Variants in IL1RAPL1 observed in about 807,000 individuals in gnomAD.
IL1RAPL1 encodes interleukin-1 receptor accessory protein-like 1.
Under a neutral mutation model 48.4 loss-of-function variants are expected in IL1RAPL1, and 3 were observed. The observed-to-expected ratio is 0.06, with a 90% CI of 0.03 to 0.16. The LOEUF (loss-of-function observed/expected upper bound fraction) is 0.16. Among genes scored for constraint, IL1RAPL1 ranks in the 10% least tolerant of loss-of-function variants. The pLI is 1.00. For missense variants in IL1RAPL1, 349 were observed against 530.6 expected (o/e 0.66, Z 3.36); for synonymous variants, 185 against 187.7 (o/e 0.99, Z 0.12).
intron 2 of IL1RAPL1, among the ~76,000 whole-genome samples, chrX:29,233,703 G>A (rs951180506): frequency 2.7e-5 from 3 of 111,599 alleles, no homozygotes. Flanking sequence ...ACTAGGTTAC[G>A]TTATACAGCA....
Position 29,798,857 on chromosome X carries a change from A to C in IL1RAPL1, c.779-118607A>C, listed in dbSNP as rs909594992. Among the ~76,000 whole-genome samples the C allele has an allele frequency of 1.8e-5, 2 of 112,255 alleles. 1 individual carries two copies. Among genetic ancestry groups the C allele is most frequent in the Admixed American group, 1.9e-4 (2 of 10,606 alleles). ...TCTTAATTAAACAAAGAATGATTAA[A>C]AAGAGATTTTGCTTTATAAGGCCAC... On this transcript the variant is annotated intron_variant, in intron 6 of 10. Transcript: ENST00000378993.
At position 29,802,793 on chromosome X, in the gene IL1RAPL1, A is replaced by ATATATATG. The variant is rs1569172754; in HGVS notation, c.779-114664_779-114663insGTATATAT. ...TATATATATATATATGTGTGTGTGT[A>ATATATATG]TATATATATATATATATGTGTGTAT... On this transcript the variant is annotated intron_variant, in intron 6 of 10. Transcript: ENST00000378993. Among the ~76,000 whole-genome samples the ATATATATG allele has an allele frequency of 6.8e-4, 27 of 39,714 alleles. 1 individual carries two copies. Among genetic ancestry groups the ATATATATG allele is most frequent in the African/African-American group, 5.4e-3 (27 of 5,036 alleles). 34.5% of individuals were successfully genotyped at this position (39,714 alleles called of 115,157 possible). A position where few individuals can be genotyped will look rare whatever the true frequency, so the allele number is the denominator to read the frequency against.
intron 2 of IL1RAPL1, among the ~76,000 whole-genome samples, chrX:29,208,207 A>T (rs751876487): frequency 8.9e-6 from 1 of 111,904 alleles, no homozygotes; most frequent in Non-Finnish European, 1.9e-5. Flanking sequence ...AACAGAGTTA[A>T]CAGGTAATGC....
chrX:28,731,925 G>C (rs188864237), intron 1 of IL1RAPL1, among the ~76,000 whole-genome samples: 144 of 111,940 alleles, frequency 1.3e-3, no homozygotes, highest in Admixed American at 3.1e-3. Flanking sequence ...GCACTTTTTA[G>C]AAGTTAAGCC....
intron 5 of IL1RAPL1, among the ~76,000 whole-genome samples, chrX:29,595,923 A>C (rs12556430): frequency 0.074 from 8,205 of 111,291 alleles, 282 homozygotes; most frequent in East Asian, 0.25. Context: ...AAGCTGAAAG[A>C]TGAGGATCCA....
chrX:28,931,326 G>T (rs1218473596), intron 2 of IL1RAPL1, among the ~76,000 whole-genome samples: 1 of 111,850 alleles, frequency 8.9e-6, no homozygotes, highest in Non-Finnish European at 1.9e-5. Context: ...AACTGAATTT[G>T]CTAGTAAATG....
chrX:29,104,258 G>A (rs1280298707), intron 2 of IL1RAPL1, among the ~76,000 whole-genome samples: 4 of 111,652 alleles, frequency 3.6e-5, no homozygotes, highest in Non-Finnish European at 7.5e-5. Flanking sequence ...AAGAAAATGT[G>A]GTACATATAC....
chrX:29,519,729 G>A (rs1935483364), intron 5 of IL1RAPL1, among the ~76,000 whole-genome samples: 1 of 111,291 alleles, frequency 9.0e-6, no homozygotes, highest in Admixed American at 9.6e-5. Context: ...GGGTCCTAGC[G>A]AAGAAATGTG....
chrX:29,378,777 G>C (rs1015862295), intron 3 of IL1RAPL1, among the ~76,000 whole-genome samples: 2 of 112,161 alleles, frequency 1.8e-5, no homozygotes, highest in East Asian at 5.7e-4. Context: ...TGTGGTATAG[G>C]GGGGAGAAGA....
intron 2 of IL1RAPL1, among the ~76,000 whole-genome samples, chrX:29,111,925 C>CTTTTTTTTTTTT (rs34885583): frequency 1.7e-5 from 1 of 59,761 alleles, no homozygotes; most frequent in Non-Finnish European, 3.2e-5. Flanking sequence ...TTTCACTTTT[C>CTTTTTTTTTTTT]TTTTTTTTTT....
chrX:28,729,764 G>A (rs866508654), intron 1 of IL1RAPL1, among the ~76,000 whole-genome samples: 36 of 110,950 alleles, frequency 3.2e-4, no homozygotes, highest in African/African-American at 9.5e-4. Flanking sequence ...TTGGGAGGCC[G>A]AGGCAGGCGG....
intron 6 of IL1RAPL1, among the ~76,000 whole-genome samples, chrX:29,795,896 A>T (rs1327367460): frequency 1.8e-5 from 2 of 112,829 alleles, no homozygotes; most frequent in Non-Finnish European, 3.7e-5. Flanking sequence ...AAGTTTAAAG[A>T]CATCAAGAAT....
intron 6 of IL1RAPL1, among the ~76,000 whole-genome samples, chrX:29,709,262 T>G (rs940804928): frequency 7.2e-5 from 8 of 111,659 alleles, no homozygotes; most frequent in Admixed American, 4.8e-4. Flanking sequence ...GCAAGTAGCT[T>G]TAGAGTTTCA....
intron 5 of IL1RAPL1, among the ~76,000 whole-genome samples, chrX:29,481,793 C>A (rs905457443): frequency 1.8e-5 from 2 of 111,684 alleles, no homozygotes; most frequent in African/African-American, 6.5e-5. Context: ...TAAATCACAA[C>A]ATCTTTGTAA....
intron 6 of IL1RAPL1, among the ~76,000 whole-genome samples, chrX:29,774,899 C>G (rs1249033970): frequency 8.9e-6 from 1 of 112,147 alleles, no homozygotes; most frequent in Non-Finnish European, 1.9e-5. Flanking sequence ...GGTTAAATTT[C>G]CAGTTTAAGC....
chrX:29,749,111 A>G (rs762202502), intron 6 of IL1RAPL1, among the ~76,000 whole-genome samples: 9 of 112,045 alleles, frequency 8.0e-5, no homozygotes, highest in Non-Finnish European at 1.7e-4. Context: ...AGGAAGCAGC[A>G]TGGGAATGAA....
rs983529506 is a variant in IL1RAPL1 at position 29,941,499 on chromosome X, G to A, written c.1058-152G>A. 5.3e-6 allele frequency: 3 copies of A among 564,247 alleles called. No individual in the cohort carries two copies. The African/African-American group carries it at 6.8e-5, about 13-fold the overall frequency. The allele number at this position is 564,247 out of a possible 1,213,427, so 46.5% of individuals were successfully genotyped here. Reference sequence around the variant, plus strand: ...AAACAGAGCTAGAAAGTTATCAAAAGGTCAAATTCTCATGCAAAAAGGAAA... The same window carrying A: ...AAACAGAGCTAGAAAGTTATCAAAAAGTCAAATTCTCATGCAAAAAGGAAA... On this transcript the variant is annotated intron_variant, in intron 8 of 10. Coordinates refer to ENST00000378993, the MANE Select transcript of IL1RAPL1 (RefSeq NM_014271.4).
intron 5 of IL1RAPL1, among the ~76,000 whole-genome samples, chrX:29,418,127 T>TA (rs1934246081): frequency 2.7e-5 from 2 of 72,825 alleles, no homozygotes; most frequent in African/African-American, 1.1e-4. Context: ...ATATATATAT[T>TA]TTTTTTTTTT....
intron 3 of IL1RAPL1, among the ~76,000 whole-genome samples, chrX:29,301,903 G>A (rs150238336): frequency 3.7e-4 from 41 of 111,154 alleles, no homozygotes; most frequent in African/African-American, 1.1e-3. Flanking sequence ...AATTGAAAGG[G>A]CATGTTATTT....
Sources: gnomAD v4.1 joint callset for allele counts (sites outside exome capture counted in the v4.1 genomes callset) on GRCh38, gnomAD v4.1.1 for gene constraint, MANE v1.5 for transcripts, NCBI Gene and HGNC (gene_info 2026-07-23, HGNC 2026-07-21) for gene names.